The following SYN3 variants were observed in gnomAD, a reference collection of about 807,000 sequenced individuals.
SYN3 encodes synapsin-3.
Under a neutral mutation model 65.8 loss-of-function variants are expected in SYN3, and 35 were observed. That is an observed-to-expected ratio of 0.53 (90% confidence interval 0.41 to 0.70). The LOEUF (loss-of-function observed/expected upper bound fraction) is 0.70. Ranked by LOEUF, SYN3 falls within the 30% of genes least tolerant of loss-of-function variation. SYN3 has a pLI of 0.00. For missense variants in SYN3, 680 were observed against 749.0 expected (o/e 0.91, Z 1.08); for synonymous variants, 270 against 292.9 (o/e 0.92, Z 0.80).
chr22:32,677,643 A>T (rs1397191103), intron 6 of SYN3, among the ~76,000 whole-genome samples: 1 of 151,158 alleles, frequency 6.6e-6, no homozygotes, highest in Admixed American at 6.6e-5. Flanking sequence ...CTAAAAATAC[A>T]AAAAAAAATT....
intron 7 of SYN3, among the ~76,000 whole-genome samples, chr22:32,570,202 C>T (rs1292862502): frequency 6.6e-6 from 1 of 152,174 alleles, no homozygotes; most frequent in Non-Finnish European, 1.5e-5. Flanking sequence ...GCTGACTGTC[C>T]TGCAGGACTT....
At chr22:32,788,619 T>C (rs969734651) in intron 6 of SYN3, among the ~76,000 whole-genome samples, 23 of 152,174 alleles carry the variant, frequency 1.5e-4, no homozygotes, top group African/African-American at 2.4e-5. Flanking sequence ...TTAGATATTA[T>C]AAGTAATCTA....
chr22:33,011,652 T>A (rs953696891), intron 1 of SYN3, among the ~76,000 whole-genome samples: 5 of 152,202 alleles, frequency 3.3e-5, no homozygotes, highest in Admixed American at 3.3e-4. Flanking sequence ...AATATTGTGT[T>A]TTTTTTCTTA....
chr22:32,563,983 AG>A (rs1446918110), intron 7 of SYN3, among the ~76,000 whole-genome samples: 2 of 152,104 alleles, frequency 1.3e-5, no homozygotes, highest in African/African-American at 2.4e-5. Context: ...TTGGGTTTCA[AG>A]CAGAGGAAGT....
chr22:33,034,496 T>G (rs1276742089), intron 1 of SYN3, among the ~76,000 whole-genome samples: 2 of 152,004 alleles, frequency 1.3e-5, no homozygotes, highest in Non-Finnish European at 2.9e-5. Context: ...TCTGCCCACC[T>G]CGGCCTCCCA....
chr22:32,812,130 G>A (rs1601418221), intron 6 of SYN3, among the ~76,000 whole-genome samples: 1 of 152,104 alleles, frequency 6.6e-6, no homozygotes, highest in East Asian at 1.9e-4. Context: ...GCAGGATATT[G>A]GCTCTATGTG....
intron 6 of SYN3, among the ~76,000 whole-genome samples, chr22:32,842,963 C>A (rs1306824368): frequency 2.6e-5 from 4 of 152,182 alleles, no homozygotes; most frequent in Non-Finnish European, 5.9e-5. Context: ...TATCAATCTT[C>A]TTCTCTGATC....
At chr22:32,586,836 C>A (rs2059051186) in intron 7 of SYN3, among the ~76,000 whole-genome samples, 1 of 152,074 alleles carries the variant, frequency 6.6e-6, no homozygotes, top group African/African-American at 2.4e-5. Context: ...AACTTCATTG[C>A]AGAGGATGTG....
intron 1 of SYN3, among the ~76,000 whole-genome samples, chr22:33,041,833 G>A (rs1601950949): frequency 2.0e-5 from 3 of 151,982 alleles, no homozygotes; most frequent in Non-Finnish European, 4.4e-5. Context: ...AGCTTGCTCA[G>A]GAAGCCTCCC....
At chr22:32,740,764 A>G in intron 6 of SYN3, among the ~76,000 whole-genome samples, 1 of 152,186 alleles carries the variant, frequency 6.6e-6, no homozygotes, top group South Asian at 2.1e-4. Context: ...ACAGCCATTC[A>G]GAGATGAGGT....
At chr22:33,038,304 G>A (rs982529655) in intron 1 of SYN3, among the ~76,000 whole-genome samples, 1 of 152,244 alleles carries the variant, frequency 6.6e-6, no homozygotes, top group African/African-American at 2.4e-5. Flanking sequence ...CCTAGCTGCT[G>A]TCACTTGCAG....
intron 4 of SYN3, among the ~76,000 whole-genome samples, chr22:32,924,683 G>A (rs1233986936): frequency 1.3e-5 from 2 of 152,212 alleles, no homozygotes; most frequent in African/African-American, 4.8e-5. Context: ...TAAATTTCAA[G>A]AGGCACTGCT....
chr22:32,694,130 G>A (rs2060704573), intron 6 of SYN3, among the ~76,000 whole-genome samples: 2 of 150,966 alleles, frequency 1.3e-5, no homozygotes, highest in Non-Finnish European at 3.0e-5. Context: ...TAATGATTTG[G>A]AAGGTTTATA....
intron 6 of SYN3, among the ~76,000 whole-genome samples, chr22:32,788,525 C>T (rs1360305414): frequency 1.3e-5 from 2 of 149,766 alleles, no homozygotes; most frequent in African/African-American, 5.0e-5. Flanking sequence ...CAGGTAACAG[C>T]GCAAGACTCC....
chr22:32,982,475 T>C (rs150304583), intron 2 of SYN3, among the ~76,000 whole-genome samples: 38 of 152,316 alleles, frequency 2.5e-4, no homozygotes, highest in African/African-American at 8.9e-4. Flanking sequence ...ATTTTAATTA[T>C]TTCTCAAATT....
chr22:32,926,115 G>A, intron 4 of SYN3, among the ~76,000 whole-genome samples: 1 of 152,292 alleles, frequency 6.6e-6, no homozygotes, highest in Non-Finnish European at 1.5e-5. Context: ...GCCTCCCAAA[G>A]TGCTGGGATT....
At chr22:32,876,386 C>A (rs1251371813) in intron 4 of SYN3, among the ~76,000 whole-genome samples, 2 of 152,046 alleles carry the variant, frequency 1.3e-5, no homozygotes, top group East Asian at 1.9e-4. Flanking sequence ...CAAACCCCAA[C>A]AATAAAAAAC....
chr22:32,997,902 C>T (rs1246700127), intron 2 of SYN3, among the ~76,000 whole-genome samples: 1 of 151,834 alleles, frequency 6.6e-6, no homozygotes, highest in African/African-American at 2.4e-5. Context: ...TGGTGGGCGC[C>T]TGTAGTCCCA....
chr22:32,694,578 G>T, intron 6 of SYN3, among the ~76,000 whole-genome samples: 1 of 152,044 alleles, frequency 6.6e-6, no homozygotes. Flanking sequence ...CCTTAGTTCT[G>T]CCTCCACAGC....
Sources: gnomAD v4.1 joint callset for allele counts (sites outside exome capture counted in the v4.1 genomes callset) on GRCh38, gnomAD v4.1.1 for gene constraint, MANE v1.5 for transcripts, NCBI Gene and HGNC (gene_info 2026-07-23, HGNC 2026-07-21) for gene names.